The following NOD1 variants were observed in gnomAD, a reference collection of about 807,000 sequenced individuals.
NOD1 encodes nucleotide-binding oligomerization domain-containing protein 1.
Under a neutral mutation model 81.2 loss-of-function variants are expected in NOD1, and 70 were observed. The ratio of observed to expected loss-of-function variants is 0.86; its 90% CI spans 0.71 to 1.05. The LOEUF is 1.05. Among genes scored for constraint, NOD1 ranks in the 50% least tolerant of loss-of-function variants. The pLI is 0.00. For synonymous variants in NOD1, 508 were observed against 526.9 expected (o/e 0.96, Z 0.49); for missense variants, 1,233 against 1,228.0 (o/e 1.00, Z -0.06).
At chr7:30,447,202 C>G (rs574674020) in intron 7 of NOD1, 152 bp from the exon 8 acceptor site, 4 of 1,320,702 alleles carry the variant, frequency 3.0e-6, no homozygotes, top group Middle Eastern at 1.9e-4. Flanking sequence ...TGAGGTCTCA[C>G]AGCTCAGGTT....
In NOD1 at chr7:30,425,441, A is replaced by C. The variant is rs113767753; in HGVS notation, c.*197T>G. ...CTCGCAAGACACATTCTTTTTCTGC[A>C]GAATTGTAGCGGGTACTTAGGGAGT... On this transcript the variant is annotated 3_prime_UTR_variant, in exon 14 of 14. Transcript: ENST00000222823. The C allele has an allele frequency of 5.0e-6, 3 of 602,222 alleles. No homozygotes were observed. The African/African-American group carries it at 5.6e-5, about 11-fold the overall frequency. The allele number at this position is 602,222 out of a possible 1,614,324, so 37.3% of individuals were successfully genotyped here. A position where few individuals can be genotyped will look rare whatever the true frequency, so the allele number is the denominator to read the frequency against.
rs761710543 is a variant in NOD1, at chr7:30,455,125, G to T, written c.376+12C>A. On this transcript the variant is annotated intron_variant, in intron 5 of 13. Coordinates refer to ENST00000222823, the MANE Select transcript of NOD1 (RefSeq NM_006092.4). ...CACTGGTGCCTGCGGTCTTGCTGGG[G>T]CTGACTCCTACCTGGGTCAGTGTTG... 2.5e-6 allele frequency: 4 copies of T among 1,612,128 alleles called. No individual in the cohort carries two copies. The East Asian group carries it at 6.7e-5, about 27-fold the overall frequency.
chr7:30,453,092 A>C (rs776829459), intron 5 of NOD1, 52 bp from the exon 6 acceptor site: 25 of 1,539,278 alleles, frequency 1.6e-5, no homozygotes, highest in Non-Finnish European at 2.0e-5. Flanking sequence ...GAGAGGCAGA[A>C]ACAGCATCAA....
rs1476942194 is a variant in NOD1, at chr7:30,451,858, A to C, written c.1559T>G (p.Leu520Arg). 8 of 1,613,614 alleles carry C rather than the reference A, an allele frequency of 5.0e-6. No homozygotes were observed. Among genetic ancestry groups the C allele is most frequent in the Non-Finnish European group, 6.8e-6 (8 of 1,180,008 alleles). ...QQSYEFFHLTLQAFFTAFFLV... is the reference protein window; with the variant it reads ...QQSYEFFHLTRQAFFTAFFLV... ...GAAGAAGGCTGTAAAGAAGGCCTGG[A>C]GGGTGAGGTGGAAAAACTCATAGGA... Residue 520 changes from leucine to arginine, a missense_variant, in exon 6 of 14, where the codon CTC becomes CGC. Coordinates refer to ENST00000222823, the MANE Select transcript of NOD1 (RefSeq NM_006092.4). This position sits in a 1 kb window ranked among gnomAD's most constrained non-coding sequence, Gnocchi z 4.2.
rs200916106 is a variant in NOD1 at position 30,433,186 on chromosome 7, A to T, written c.2622-7T>A. 6.2e-7 allele frequency: 1 copy of T among 1,604,700 alleles called. No individual in the cohort carries two copies. The highest frequency in any genetic ancestry group is 8.5e-7 in the Non-Finnish European group (1 of 1,172,110). On this transcript the variant is annotated splice_polypyrimidine_tract_variant and splice_region_variant and intron_variant, in intron 11 of 13. Coordinates refer to ENST00000222823, the MANE Select transcript of NOD1 (RefSeq NM_006092.4). ...GAGTTCATTTTGGGTCAGCCTAAGG[A>T]AAAAAAAGGAAGTATTTACTCAAGA...
chr7:30,456,505 C>A (rs1455597172), intron 4 of NOD1, among the ~76,000 whole-genome samples: 1 of 152,212 alleles, frequency 6.6e-6, no homozygotes, highest in Non-Finnish European at 1.5e-5. Context: ...GCAATGAGAA[C>A]TGAGATGTCA....
intron 6 of NOD1, among the ~76,000 whole-genome samples, chr7:30,449,717 G>A (rs556477695): frequency 3.3e-5 from 5 of 152,192 alleles, no homozygotes; most frequent in South Asian, 2.1e-4. Context: ...TGGGGTTTTC[G>A]CTCTCAGCTA....
intron 13 of NOD1, among the ~76,000 whole-genome samples, chr7:30,426,986 A>G (rs1783514774): frequency 6.6e-6 from 1 of 152,146 alleles, no homozygotes; most frequent in Non-Finnish European, 1.5e-5. Flanking sequence ...CACAGTTGTA[A>G]TTAAATAATT....
chr7:30,429,292 C>T (rs1318420307), intron 13 of NOD1, 82 bp downstream of exon 13: 3 of 1,214,064 alleles, frequency 2.5e-6, no homozygotes, highest in East Asian at 2.3e-5. Context: ...ACAGAAACCA[C>T]CCTGCGTTGT....
intron 1 of NOD1, among the ~76,000 whole-genome samples, chr7:30,471,917 C>T (rs988783496): frequency 2.6e-5 from 4 of 152,170 alleles, no homozygotes; most frequent in African/African-American, 4.8e-5. Context: ...GAGCATGTGC[C>T]GTGGGCTGGG....
chr7:30,455,331 G>A lies in NOD1; in HGVS notation c.202-20C>T. ...GCGGACCTGGAGGTGACACAAGCAT[G>A]AGGGCACGGGCTGGCATGAGGGGCA... is the stretch of plus-strand genomic sequence containing the variant. On this transcript the variant is annotated intron_variant, in intron 4 of 13. Coordinates refer to ENST00000222823, the MANE Select transcript of NOD1 (RefSeq NM_006092.4). 3 of 1,605,786 alleles carry A rather than the reference G, an allele frequency of 1.9e-6. No individual in the cohort carries two copies. The highest frequency in any genetic ancestry group is 2.6e-6 in the Non-Finnish European group (3 of 1,173,894).
rs1783331379 is a variant in NOD1, at chr7:30,425,048, A to C, written c.*590T>G. 6.6e-6 allele frequency: 1 copy of C among 152,538 alleles called. No homozygotes were observed. The highest frequency in any genetic ancestry group is 2.4e-5 in the African/African-American group (1 of 41,422). 9.4% of individuals were successfully genotyped at this position (152,538 alleles called of 1,614,324 possible). A position where few individuals can be genotyped will look rare whatever the true frequency, so the allele number is the denominator to read the frequency against. On this transcript the variant is annotated 3_prime_UTR_variant, in exon 14 of 14. Coordinates refer to ENST00000222823, the MANE Select transcript of NOD1 (RefSeq NM_006092.4). ...GTGGTGCATCCTTTCCTTGACATTA[A>C]CTTTCCACAAAACCTTGGAGGAGTC...
chr7:30,475,863 T>G (rs1788724711), intron 1 of NOD1: 2 of 152,048 alleles, frequency 1.3e-5, no homozygotes, highest in Admixed American at 6.6e-5. Flanking sequence ...ACCACAAGAG[T>G]CAAGTTTAGA....
intron 1 of NOD1, among the ~76,000 whole-genome samples, chr7:30,477,567 C>G (rs77664104): frequency 0.054 from 8,246 of 152,158 alleles, 274 homozygotes; most frequent in Admixed American, 0.096. Flanking sequence ...CAGGCTGGAG[C>G]GCAACAGGGC....
intron 4 of NOD1, 133 bp downstream of exon 4, chr7:30,456,588 C>CTAT (rs1786395704): frequency 1.4e-6 from 1 of 712,582 alleles, no homozygotes; most frequent in Admixed American, 2.1e-5. Context: ...CATTTGTGTG[C>CTAT]TATTAGTACC....
At chr7:30,446,282 C>A in intron 8 of NOD1, 58 bp from the exon 9 acceptor site, 1 of 1,248,552 alleles carries the variant, frequency 8.0e-7, no homozygotes, top group South Asian at 1.2e-5. Flanking sequence ...CAATGTGGGT[C>A]ACCCTCCTCC....
At chr7:30,465,885 G>A (rs773859363) in intron 1 of NOD1, among the ~76,000 whole-genome samples, 102 of 152,190 alleles carry the variant, frequency 6.7e-4, no homozygotes, top group Non-Finnish European at 1.3e-4. Context: ...TGCTATATAG[G>A]TTGGTAACAA....
chr7:30,446,116 C>T, intron 9 of NOD1, 25 bp downstream of exon 9: 1 of 1,567,978 alleles, frequency 6.4e-7, no homozygotes, highest in Non-Finnish European at 8.8e-7. Context: ...GGTTGTACCA[C>T]ATACATCCAT....
chr7:30,438,781 C>T (rs936771260), intron 9 of NOD1, among the ~76,000 whole-genome samples: 68 of 152,258 alleles, frequency 4.5e-4, no homozygotes, highest in African/African-American at 1.6e-3. Context: ...TATAGTCTCA[C>T]CCCTACTATA....
Sources: allele counts gnomAD v4.1 joint callset (sites outside exome capture counted in the v4.1 genomes callset), GRCh38; gene constraint gnomAD v4.1.1; non-coding constraint Gnocchi (gnomAD v3.1); transcripts MANE v1.5; gene names NCBI Gene and HGNC (gene_info 2026-07-23, HGNC 2026-07-21).